AFF3: variants seen among roughly 807,000 people sequenced by gnomAD.
AFF3 encodes the protein ALF transcription elongation factor 3, also known as AF4/FMR2 family member 3.
In AFF3, 32 loss-of-function variants were observed where a neutral mutation model predicts 129.7. The observed-to-expected ratio is 0.25, with a 90% CI of 0.19 to 0.33. The LOEUF (loss-of-function observed/expected upper bound fraction) is 0.33, where lower values mean the gene tolerates loss of function less well. Among genes scored for constraint, AFF3 ranks in the 10% least tolerant of loss-of-function variants. The pLI, the probability that AFF3 is intolerant of heterozygous loss-of-function variation, is 1.00. For synonymous variants in AFF3, 644 were observed against 635.4 expected, an observed-to-expected ratio of 1.01 and a Z score of -0.20; for missense variants, 1,373 against 1,592.0, an observed-to-expected ratio of 0.86 and a Z score of 2.34.
chr2:100,120,506 G>A (rs1290952674), intron 2 of AFF3, among the ~76,000 whole-genome samples: 1 of 135,932 alleles, frequency 7.4e-6, no homozygotes, highest in African/African-American at 3.1e-5. Flanking sequence ...CCAACCAAAA[G>A]CCTGTAGCCA....
chr2:99,714,262 T>C (rs559336603), intron 11 of AFF3, among the ~76,000 whole-genome samples: 2 of 152,284 alleles, frequency 1.3e-5, no homozygotes, highest in South Asian at 4.1e-4. Flanking sequence ...GCTGACTCCT[T>C]GGTAGGCAAA....
intron 22 of AFF3, 96 bp downstream of exon 22, chr2:99,558,779 T>TA (rs1440348785): frequency 2.4e-6 from 3 of 1,235,490 alleles, no homozygotes; most frequent in African/African-American, 1.5e-5. Flanking sequence ...TGACCTGCAT[T>TA]AACCCCAAAG....
At chr2:99,900,085 T>C (rs933709748) in intron 7 of AFF3, among the ~76,000 whole-genome samples, 13 of 152,170 alleles carry the variant, frequency 8.5e-5, no homozygotes, top group Admixed American at 8.5e-4. Context: ...TATTAAGGCT[T>C]GAGAAGAATT....
At chr2:99,947,057 T>G (rs1290308715) in intron 7 of AFF3, among the ~76,000 whole-genome samples, 2 of 152,184 alleles carry the variant, frequency 1.3e-5, no homozygotes, top group African/African-American at 4.8e-5. Flanking sequence ...TATTCAATAT[T>G]TATTATGTCC....
At chr2:100,037,447 ATAT>A (rs1463946134) in intron 4 of AFF3, among the ~76,000 whole-genome samples, 4 of 122,694 alleles carry the variant, frequency 3.3e-5, no homozygotes, top group South Asian at 4.6e-4. Context: ...TATATTTTAT[ATAT>A]TATTTATATA....
intron 11 of AFF3, among the ~76,000 whole-genome samples, chr2:99,712,753 T>C (rs1166383148): frequency 6.6e-6 from 1 of 152,124 alleles, no homozygotes; most frequent in South Asian, 2.1e-4. Context: ...CCCCAAAAAT[T>C]AAGAACAGGG....
chr2:100,013,839 A>G (rs1018172527), intron 4 of AFF3, among the ~76,000 whole-genome samples: 20 of 152,160 alleles, frequency 1.3e-4, no homozygotes, highest in Non-Finnish European at 2.8e-4. Flanking sequence ...TGTGGAATGG[A>G]AGATAGAGAA....
chr2:99,975,910 A>C (rs1399004522), intron 7 of AFF3, among the ~76,000 whole-genome samples: 1 of 150,966 alleles, frequency 6.6e-6, no homozygotes, highest in African/African-American at 2.4e-5. Context: ...AAACCCACAC[A>C]AAAAAAATGA....
chr2:100,011,389 C>G, intron 4 of AFF3: 1 of 760,582 alleles, frequency 1.3e-6, no homozygotes, highest in Non-Finnish European at 2.4e-6. Flanking sequence ...ACCAGACACA[C>G]AAGACTGGTG....
At chr2:99,602,541 C>G (rs190829970) in intron 13 of AFF3, among the ~76,000 whole-genome samples, 1 of 152,138 alleles carries the variant, frequency 6.6e-6, no homozygotes, top group African/African-American at 2.4e-5. Flanking sequence ...AATTTCAGTA[C>G]TCACATAATA....
At chr2:99,661,939 A>C (rs1229195331) in intron 12 of AFF3, among the ~76,000 whole-genome samples, 1 of 152,214 alleles carries the variant, frequency 6.6e-6, no homozygotes, top group African/African-American at 2.4e-5. Flanking sequence ...CAGAAGTTTG[A>C]GACCATCCTG....
chr2:99,593,580 T>A lies in AFF3; in HGVS notation c.2081A>T (p.Gln694Leu). Residue 694 changes from glutamine (Q) to leucine (L), a missense_variant, in exon 15 of 25, where the codon CAG becomes CTG. Coordinates refer to ENST00000672756, the MANE Select transcript of AFF3 (RefSeq NM_001386135.1). ...GGAGGAGGCAGAGGCAGCCACGGTCTGTGCTTTGGACAGAGGGTACTCCTC... is the reference window on the plus strand; with the variant it reads ...GGAGGAGGCAGAGGCAGCCACGGTCAGTGCTTTGGACAGAGGGTACTCCTC... ...EQEEYPLSKAQTVAASASSGN... is the reference protein window; with the variant it reads ...EQEEYPLSKALTVAASASSGN... 1.2e-6 allele frequency: 2 copies of A among 1,613,180 alleles called. No individual in the cohort carries two copies. Among genetic ancestry groups the A allele is most frequent in the Non-Finnish European group, 1.7e-6 (2 of 1,179,898 alleles).
chr2:99,607,966 T>TA (rs983164605), intron 13 of AFF3, among the ~76,000 whole-genome samples: 8 of 151,624 alleles, frequency 5.3e-5, no homozygotes, highest in Admixed American at 4.6e-4. Context: ...AATTGTCGTC[T>TA]AAAAAAAAAC....
At chr2:99,553,703 A>G (rs1674621178) in intron 24 of AFF3, among the ~76,000 whole-genome samples, 4 of 151,886 alleles carry the variant, frequency 2.6e-5, no homozygotes, top group Admixed American at 2.6e-4. Flanking sequence ...CACGAGGTCA[A>G]GAGATCGAGA....
intron 1 of AFF3, among the ~76,000 whole-genome samples, chr2:100,132,591 C>T (rs1225028496): frequency 6.6e-6 from 1 of 152,116 alleles, no homozygotes; most frequent in Non-Finnish European, 1.5e-5. Context: ...TCATCCTCAG[C>T]TTTAGTTGAA....
At chr2:99,855,920 C>T (rs1690491457) in intron 7 of AFF3, among the ~76,000 whole-genome samples, 1 of 152,144 alleles carries the variant, frequency 6.6e-6, no homozygotes, top group Non-Finnish European at 1.5e-5. Flanking sequence ...ATTAGACTGG[C>T]ACTTTGCCTG....
chr2:99,649,526 T>A, intron 13 of AFF3, 100 bp downstream of exon 13: 1 of 1,307,536 alleles, frequency 7.6e-7, no homozygotes, highest in Non-Finnish European at 1.1e-6. Context: ...AGTTCAGAGA[T>A]ACTTTAGGGA....
rs571191650 is a variant in AFF3 at position 100,133,622 on chromosome 2, T to C, written c.-227-4316A>G. Among the ~76,000 whole-genome samples the C allele has an allele frequency of 2.0e-5, 3 of 152,276 alleles. No homozygotes were observed. In the East Asian group the frequency reaches 5.8e-4, roughly 29 times the overall value. The stretch of plus-strand genomic sequence containing the variant: ...TGCCTGGCTCTCATGTACTACTTTT[T>C]ATCCAACTTTTTTTCACTTAATAAA... On this transcript the variant is annotated intron_variant, in intron 1 of 24. Transcript: ENST00000672756.
intron 11 of AFF3, among the ~76,000 whole-genome samples, chr2:99,675,262 A>C (rs1558733867): frequency 6.6e-6 from 1 of 152,242 alleles, no homozygotes; most frequent in Non-Finnish European, 1.5e-5. Flanking sequence ...AAATCTAACT[A>C]AACTTCAGAA....
Sources: allele counts gnomAD v4.1 joint callset (sites outside exome capture counted in the v4.1 genomes callset), GRCh38; gene constraint gnomAD v4.1.1; transcripts MANE v1.5; gene names NCBI Gene and HGNC (gene_info 2026-07-23, HGNC 2026-07-21).